The following ASTN2 variants were observed in gnomAD, a reference collection of about 807,000 sequenced individuals.
ASTN2 encodes the protein astrotactin-2.
A neutral mutation model predicts 139.8 loss-of-function variants in ASTN2; 54 were observed. The ratio of observed to expected loss-of-function variants is 0.39; its 90% CI spans 0.31 to 0.48. ASTN2 has a LOEUF of 0.48. Ranked by LOEUF, ASTN2 falls within the 20% of genes least tolerant of loss-of-function variation. ASTN2 has a pLI of 0.95. For missense variants in ASTN2, 1,565 were observed against 1,725.1 expected (o/e 0.91, Z 1.64); for synonymous variants, 756 against 719.5 (o/e 1.05, Z -0.81).
chr9:117,405,542 C>G (rs1033378535), intron 1 of ASTN2, among the ~76,000 whole-genome samples: 7 of 152,150 alleles, frequency 4.6e-5, no homozygotes, highest in Admixed American at 3.9e-4. Context: ...CTCTGGAATT[C>G]CAACTCCTCC....
At chr9:117,020,002 C>CTGTGTGTGTGTGTGTG (rs57575432) in intron 6 of ASTN2, among the ~76,000 whole-genome samples, 34 of 140,894 alleles carry the variant, frequency 2.4e-4, no homozygotes, top group South Asian at 4.8e-4. Flanking sequence ...TTCAGGGTTT[C>CTGTGTGTGTGTGTGTG]TGTGTGTGTG....
chr9:116,785,286 C>G (rs1385623168), intron 13 of ASTN2, among the ~76,000 whole-genome samples: 1 of 152,180 alleles, frequency 6.6e-6, no homozygotes, highest in East Asian at 1.9e-4. Context: ...TCTTCTCTAT[C>G]TACTCCCTAG....
chr9:116,539,839 C>T (rs1212660052), intron 19 of ASTN2, among the ~76,000 whole-genome samples: 2 of 152,292 alleles, frequency 1.3e-5, no homozygotes, highest in Middle Eastern at 3.4e-3. Context: ...TAGCTGATTA[C>T]AGGTGACTGA....
intron 13 of ASTN2, among the ~76,000 whole-genome samples, chr9:116,791,096 C>T (rs1830544836): frequency 6.6e-6 from 1 of 152,066 alleles, no homozygotes; most frequent in Non-Finnish European, 1.5e-5. Flanking sequence ...CTCTAGTGAT[C>T]CACCTGCCTA....
chr9:117,019,582 TA>T (rs1173768157), intron 6 of ASTN2, among the ~76,000 whole-genome samples: 1 of 152,204 alleles, frequency 6.6e-6, no homozygotes, highest in East Asian at 1.9e-4. Flanking sequence ...GGTAAGGAGA[TA>T]AAAAAATAAG....
intron 13 of ASTN2, among the ~76,000 whole-genome samples, chr9:116,778,186 C>T (rs1830131937): frequency 9.2e-6 from 1 of 109,072 alleles, no homozygotes; most frequent in African/African-American, 3.2e-5. Context: ...TGGGATGTTA[C>T]CACACCCAAG....
chr9:117,329,733 C>T (rs562290938), intron 1 of ASTN2, among the ~76,000 whole-genome samples: 17 of 152,284 alleles, frequency 1.1e-4, no homozygotes, highest in African/African-American at 3.6e-4. Context: ...TCAGTTGCTG[C>T]TGGGGTCATA....
chr9:117,236,901 G>A lies in ASTN2; in HGVS notation c.631-22159C>T, dbSNP rs1029669362. Among the ~76,000 whole-genome samples, 35 of 152,234 alleles carry A rather than the reference G, an allele frequency of 2.3e-4. No homozygotes were observed. In the South Asian group the frequency reaches 2.9e-3, roughly 13 times the overall value. Reference sequence around the variant, plus strand: ...GCTACATAAATATTAGCTATGATCCGTAAAGCAACAGTAAAGGGAGTTATC... The same window carrying A: ...GCTACATAAATATTAGCTATGATCCATAAAGCAACAGTAAAGGGAGTTATC... On this transcript the variant is annotated intron_variant, in intron 2 of 22. Transcript: ENST00000313400.
intron 10 of ASTN2, among the ~76,000 whole-genome samples, chr9:116,921,785 T>A (rs549242431): frequency 6.6e-6 from 1 of 152,108 alleles, no homozygotes; most frequent in African/African-American, 2.4e-5. Flanking sequence ...TAAACACTTA[T>A]CTGATCTTGT....
intron 19 of ASTN2, among the ~76,000 whole-genome samples, chr9:116,508,264 T>C (rs914762538): frequency 3.9e-5 from 6 of 152,188 alleles, no homozygotes; most frequent in Non-Finnish European, 7.3e-5. Flanking sequence ...CAGAAAGCTG[T>C]CTTGAGGATC....
chr9:117,232,556 G>T (rs566095348), intron 2 of ASTN2, among the ~76,000 whole-genome samples: 2 of 152,242 alleles, frequency 1.3e-5, no homozygotes, highest in African/African-American at 4.8e-5. Flanking sequence ...ACCCATTTTT[G>T]CCAAGTCCTC....
intron 17 of ASTN2, among the ~76,000 whole-genome samples, chr9:116,622,167 G>A (rs1324660441): frequency 1.3e-5 from 2 of 152,190 alleles, no homozygotes; most frequent in South Asian, 2.1e-4. Flanking sequence ...AGTAGAACAT[G>A]TTTGTATAAA....
chr9:116,901,006 T>G (rs757226841), intron 10 of ASTN2, among the ~76,000 whole-genome samples: 2 of 152,122 alleles, frequency 1.3e-5, no homozygotes, highest in Non-Finnish European at 2.9e-5. Flanking sequence ...TGTGAAAAAT[T>G]TGTTCAAAGT....
intron 3 of ASTN2, among the ~76,000 whole-genome samples, chr9:117,187,037 G>T (rs576314847): frequency 6.6e-6 from 1 of 152,166 alleles, no homozygotes; most frequent in Non-Finnish European, 1.5e-5. Context: ...GCTGAGGCAG[G>T]AGAAACTCTT....
rs1307243023 is a variant in ASTN2 at position 116,447,849 on chromosome 9, AC to A, written c.3498-5297del. Reference sequence around the variant, plus strand: ...AGCCACTGCCCAAGGCTCTGACTTCACCCCCAACTGGAGTAAGTGGTCCCAG... The same window carrying A: ...AGCCACTGCCCAAGGCTCTGACTTCACCCCAACTGGAGTAAGTGGTCCCAG... On this transcript the variant is annotated intron_variant, in intron 20 of 22. Coordinates refer to ENST00000313400, the MANE Select transcript of ASTN2 (RefSeq NM_001365068.1). Among the ~76,000 whole-genome samples the A allele has an allele frequency of 4.6e-5, 7 of 152,178 alleles. No individual in the cohort carries two copies. In the East Asian group the frequency reaches 1.2e-3, roughly 25 times the overall value.
chr9:117,288,296 C>G (rs1339896411), intron 2 of ASTN2, among the ~76,000 whole-genome samples: 4 of 152,166 alleles, frequency 2.6e-5, no homozygotes, highest in African/African-American at 4.8e-5. Flanking sequence ...TGGCTCCACC[C>G]CAGGAGGCAT....
At chr9:116,703,572 G>A (rs916903520) in intron 16 of ASTN2, among the ~76,000 whole-genome samples, 2 of 149,704 alleles carry the variant, frequency 1.3e-5, no homozygotes, top group African/African-American at 2.5e-5. Flanking sequence ...TCTGGGGACT[G>A]TGGTGGGGTG....
intron 10 of ASTN2, among the ~76,000 whole-genome samples, chr9:116,910,571 AG>A (rs1292308069): frequency 1.3e-5 from 2 of 152,208 alleles, no homozygotes; most frequent in Non-Finnish European, 2.9e-5. Context: ...AGTAACCTTC[AG>A]CACTGGCTGG....
intron 5 of ASTN2, among the ~76,000 whole-genome samples, chr9:117,060,111 G>A (rs1405967906): frequency 6.6e-6 from 1 of 151,932 alleles, no homozygotes; most frequent in East Asian, 1.9e-4. Context: ...AGAAGTTTGA[G>A]ACCAGCCTGG....
Sources: allele counts gnomAD v4.1 joint callset (sites outside exome capture counted in the v4.1 genomes callset), GRCh38; gene constraint gnomAD v4.1.1; transcripts MANE v1.5; gene names NCBI Gene and HGNC (gene_info 2026-07-23, HGNC 2026-07-21).